Variants in AGT observed in about 807,000 individuals in gnomAD.
The protein encoded by AGT is angiotensinogen, also known as alpha-1 antiproteinase, antitrypsin.
AGT carries 26 observed loss-of-function variants against 28.1 expected under a neutral mutation model. The ratio of observed to expected loss-of-function variants is 0.92; its 90% CI spans 0.68 to 1.28. The LOEUF (loss-of-function observed/expected upper bound fraction) is 1.28, where lower values mean the gene tolerates loss of function less well. Ranked by LOEUF, AGT falls within the 50% of genes most tolerant of loss-of-function variation. The pLI is 0.00. For missense variants in AGT, 596 were observed against 592.3 expected (o/e 1.01, Z -0.06); for synonymous variants, 259 against 259.6 (o/e 1.00, Z 0.02).
chr1:230,733,735 C>T (rs1664107315), intron 1 of AGT, among the ~76,000 whole-genome samples: 1 of 152,176 alleles, frequency 6.6e-6, no homozygotes, highest in South Asian at 2.1e-4. Context: ...ATTTCCACAA[C>T]TGTTTTCACC....
rs561465908 is a variant in AGT, at chr1:230,734,071, T to G, written c.-31+11444A>C. 8.5e-5 allele frequency among the ~76,000 whole-genome samples: 13 copies of G among 152,228 alleles called. No individual in the cohort carries two copies. In the East Asian group the frequency reaches 2.5e-3, roughly 29 times the overall value. ...TAGATGACCCTTTAACAAGTGCGGG[T>G]CCCTGGCACATACTGGAGTTTGTGT... On this transcript the variant is annotated intron_variant, in intron 1 of 4. Coordinates refer to the AGT transcript ENST00000681269.
rs1218234664 is a variant in AGT at position 230,703,059 on chromosome 1, G to C, written c.*82C>G. 6.7e-7 allele frequency: 1 copy of C among 1,486,980 alleles called. No homozygotes were observed. The highest frequency in any genetic ancestry group is 9.3e-7 in the Non-Finnish European group (1 of 1,076,524). The allele number at this position is 1,486,980 out of a possible 1,614,324, so 92.1% of individuals were successfully genotyped here. On this transcript the variant is annotated 3_prime_UTR_variant, in exon 5 of 5. Transcript: ENST00000366667. ...GGGGTGACACATCGCTGATTTGTCC[G>C]GGGTTGTTATCTGCTGCTGGCCTTT...
At chr1:230,735,795 C>A (rs1007943431) in intron 1 of AGT, among the ~76,000 whole-genome samples, 1 of 152,200 alleles carries the variant, frequency 6.6e-6, no homozygotes, top group Admixed American at 6.5e-5. Context: ...TCCTTCACCC[C>A]CTCAGAGCTG....
chr1:230,725,748 C>A (rs1191785347), intron 1 of AGT, among the ~76,000 whole-genome samples: 1 of 149,942 alleles, frequency 6.7e-6, no homozygotes, highest in African/African-American at 2.5e-5. Flanking sequence ...CAGTTAATGC[C>A]TTTCTACTGC....
chr1:230,717,529 C>T (rs746760734), upstream of AGT, among the ~76,000 whole-genome samples: 2 of 152,058 alleles, frequency 1.3e-5, no homozygotes, highest in East Asian at 3.8e-4. Context: ...CATTTTTTGC[C>T]TCTGAGCCAA....
intron 2 of AGT, among the ~76,000 whole-genome samples, chr1:230,709,458 C>A (rs1228093082): frequency 6.7e-6 from 1 of 150,190 alleles, no homozygotes; most frequent in Non-Finnish European, 1.5e-5. Context: ...AAAAAATCAA[C>A]AATCTTTGTA....
At chr1:230,742,137 T>G (rs571673409) in intron 1 of AGT, among the ~76,000 whole-genome samples, 1 of 151,940 alleles carries the variant, frequency 6.6e-6, no homozygotes, top group African/African-American at 2.4e-5. Flanking sequence ...TAGAAAAGTC[T>G]CCCCACATTC....
intron 1 of AGT, among the ~76,000 whole-genome samples, chr1:230,744,024 T>C (rs1664296375): frequency 6.6e-6 from 1 of 152,206 alleles, no homozygotes; most frequent in African/African-American, 2.4e-5. Context: ...ACACTTAACA[T>C]GATGCATGGC....
chr1:230,724,453 C>T (rs1247232742), intron 1 of AGT, among the ~76,000 whole-genome samples: 1 of 152,130 alleles, frequency 6.6e-6, no homozygotes, highest in Non-Finnish European at 1.5e-5. Context: ...AATAATTAGA[C>T]AATATGTTTT....
At chr1:230,703,514 C>T (rs1334414493) in intron 4 of AGT, among the ~76,000 whole-genome samples, 185 bp from the exon 5 acceptor site, 1 of 152,132 alleles carries the variant, frequency 6.6e-6, no homozygotes, top group Admixed American at 6.5e-5. Flanking sequence ...AAGGGTGTGT[C>T]TGTGTGTAGA....
chr1:230,731,438 A>G (rs1664058148), intron 1 of AGT, among the ~76,000 whole-genome samples: 2 of 152,208 alleles, frequency 1.3e-5, no homozygotes, highest in East Asian at 1.9e-4. Context: ...CATTGCAATG[A>G]GAGGAAACTC....
upstream of AGT, among the ~76,000 whole-genome samples, chr1:230,718,990 G>T (rs1392487328): frequency 6.6e-6 from 1 of 152,082 alleles, no homozygotes; most frequent in Non-Finnish European, 1.5e-5. Context: ...CAGCCTCCCG[G>T]AGTGCTGGGA....
At chr1:230,706,375 A>G (rs1295680798) in intron 2 of AGT, among the ~76,000 whole-genome samples, 175 bp from the exon 3 acceptor site, 2 of 152,126 alleles carry the variant, frequency 1.3e-5, no homozygotes, top group Non-Finnish European at 2.9e-5. Flanking sequence ...GTGTGGCTCA[A>G]ATATTTCTCC....
intron 1 of AGT, among the ~76,000 whole-genome samples, chr1:230,740,190 T>C (rs551390513): frequency 1.1e-3 from 168 of 152,316 alleles, no homozygotes; most frequent in Non-Finnish European, 1.9e-3. Flanking sequence ...TGTCTTTTAG[T>C]ATGCTAATGT....
At chr1:230,739,527 C>T (rs1409380019) in intron 1 of AGT, among the ~76,000 whole-genome samples, 3 of 151,896 alleles carry the variant, frequency 2.0e-5, no homozygotes, top group Non-Finnish European at 4.4e-5. Flanking sequence ...TTCTGAGGTT[C>T]GGCAAGCACA....
chr1:230,730,307 C>T (rs1029031718), intron 1 of AGT, among the ~76,000 whole-genome samples: 1 of 152,052 alleles, frequency 6.6e-6, no homozygotes, highest in South Asian at 2.1e-4. Flanking sequence ...CTCCTGATCT[C>T]AAGTGATCCG....
intron 1 of AGT, among the ~76,000 whole-genome samples, chr1:230,735,300 C>T (rs1303222187): frequency 1.3e-5 from 2 of 152,162 alleles, no homozygotes; most frequent in African/African-American, 2.4e-5. Context: ...CCTTCTCGCT[C>T]CTTCTTAGAG....
intron 1 of AGT, among the ~76,000 whole-genome samples, chr1:230,727,388 T>G (rs752570838): frequency 1.3e-5 from 2 of 152,206 alleles, no homozygotes; most frequent in Non-Finnish European, 2.9e-5. Context: ...AATATCCAAC[T>G]GCCCTCACTG....
At chr1:230,735,751 G>A (rs527956088) in intron 1 of AGT, among the ~76,000 whole-genome samples, 1 of 152,040 alleles carries the variant, frequency 6.6e-6, no homozygotes, top group Admixed American at 6.5e-5. Context: ...TCCCCCATCA[G>A]CTCCCATCCC....
Sources: gnomAD v4.1 joint callset for allele counts (sites outside exome capture counted in the v4.1 genomes callset) on GRCh38, gnomAD v4.1.1 for gene constraint, MANE v1.5 for transcripts, NCBI Gene and HGNC (gene_info 2026-07-23, HGNC 2026-07-21) for gene names.